The following MICAL2 variants were observed in gnomAD, a reference collection of about 807,000 sequenced individuals.
MICAL2 encodes [F-actin]-monooxygenase MICAL2.
Under a neutral mutation model 127.3 loss-of-function variants are expected in MICAL2, and 77 were observed. The observed-to-expected ratio is 0.60, with a 90% CI of 0.50 to 0.73. MICAL2 has a LOEUF of 0.73. MICAL2 is among the 30% of genes least tolerant of loss of function. The pLI is 0.00. For missense variants in MICAL2, 1,351 were observed against 1,434.4 expected, an observed-to-expected ratio of 0.94 and a Z score of 0.94; for synonymous variants, 570 against 551.1, an observed-to-expected ratio of 1.03 and a Z score of -0.48.
chr11:12,226,180 C>T lies in MICAL2; in HGVS notation c.1698C>T (p.Asp566=). The T allele has an allele frequency of 6.2e-7, 1 of 1,614,234 alleles. No homozygotes were observed. Among genetic ancestry groups the T allele is most frequent in the Non-Finnish European group, 8.5e-7 (1 of 1,180,036 alleles). The stretch of plus-strand genomic sequence containing the variant: ...TGTTTTGATTCTCTAGCAACTTTGA[C>T]TCTTTGAATGAAGATGATGCTGTGG... ...HRFRPELINF[D]SLNEDDAVEN... The change falls in exon 14 of 28, where the codon GAC becomes GAT. Residue 566 remains aspartate (D), a synonymous_variant. Transcript: ENST00000683283.
intron 32 of MICAL2, among the ~76,000 whole-genome samples, chr11:12,332,623 C>T (rs757355395): frequency 1.7e-4 from 26 of 152,074 alleles, no homozygotes; most frequent in African/African-American, 2.4e-4. Context: ...AACATCAGCT[C>T]GGTAGCCCAA....
chr11:12,118,593 GA>G (rs778021035), intron 1 of MICAL2, among the ~76,000 whole-genome samples: 5 of 152,200 alleles, frequency 3.3e-5, no homozygotes, highest in Non-Finnish European at 5.9e-5. Context: ...CCTTGTGTTC[GA>G]TTTGGGGGTT....
intron 29 of MICAL2, among the ~76,000 whole-genome samples, chr11:12,299,924 A>G (rs1349913636): frequency 6.6e-6 from 1 of 152,170 alleles, no homozygotes; most frequent in African/African-American, 2.4e-5. Flanking sequence ...TAAAAATTGA[A>G]TCATTCATTA....
At chr11:12,293,918 A>T (rs768738328), downstream of MICAL2, 4 of 1,612,476 alleles carry the variant, frequency 2.5e-6, no homozygotes, top group East Asian at 8.9e-5. Flanking sequence ...TGGAGCCAGG[A>T]AGGAAGAAGA....
At chr11:12,254,602 G>A (rs1010534814) in intron 22 of MICAL2, 2 of 152,400 alleles carry the variant, frequency 1.3e-5, no homozygotes, top group African/African-American at 2.4e-5. Flanking sequence ...TGAGTACCAC[G>A]TTTACCCCAT....
chr11:12,276,036 A>C (rs186479961), upstream of MICAL2: 1 of 399,272 alleles, frequency 2.5e-6, no homozygotes, highest in African/African-American at 2.1e-5. Flanking sequence ...GCCACAGCAC[A>C]GTGATGCGGA....
Position 12,242,316 on chromosome 11 carries a change from G to C in MICAL2, c.2440G>C (p.Asp814His), listed in dbSNP as rs751723593. ...SRPWRARAKS[D>H]LQLGGTENFA... ...ACCTTGGAGAGCCAGAGCCAAGTCT[G>C]ACCTACAGCTGGGTGGGACAGAAAA... The change falls in exon 19 of 28, where the codon GAC becomes CAC. Residue 814 changes from aspartate (D) to histidine (H), a missense_variant. Asp to His is a moderately conservative substitution (Grantham distance 81). Around this residue, in one of 2 missense-constraint regions of MICAL2, gnomAD observed 752 missense variants for 719.4 expected, o/e 1.05. Transcript: ENST00000683283. 9 of 1,614,172 alleles carry C rather than the reference G, an allele frequency of 5.6e-6. No individual in the cohort carries two copies. Among genetic ancestry groups the C allele is most frequent in the Non-Finnish European group, 7.6e-6 (9 of 1,180,002 alleles).
intron 15 of MICAL2, 68 bp from the exon 16 acceptor site, chr11:12,236,109 A>G: frequency 7.2e-7 from 1 of 1,379,502 alleles, no homozygotes; most frequent in Non-Finnish European, 1.0e-6. Flanking sequence ...CTATGCCCTC[A>G]GGGATCTTAG....
At chr11:12,260,085 C>A in intron 26 of MICAL2, 188 bp downstream of exon 26, 1 of 1,537,048 alleles carries the variant, frequency 6.5e-7, no homozygotes, top group Non-Finnish European at 8.7e-7. Flanking sequence ...TCTCTGAGGT[C>A]CTGGCAGCCA....
chr11:12,278,881 G>C (rs141706733), intron 1 of MICAL2, among the ~76,000 whole-genome samples: 2,198 of 152,332 alleles, frequency 0.014, 25 homozygotes, highest in Non-Finnish European at 0.022. Flanking sequence ...TTCTGTTTTG[G>C]GCACGTTGGG....
At chr11:12,225,403 A>C (rs1857290929) in intron 13 of MICAL2, among the ~76,000 whole-genome samples, 1 of 152,194 alleles carries the variant, frequency 6.6e-6, no homozygotes, top group Admixed American at 6.5e-5. Context: ...GCCAGGTGCA[A>C]ATCACAAAAA....
At chr11:12,330,840 A>AGAGG (rs1864412084) in intron 32 of MICAL2, among the ~76,000 whole-genome samples, 1 of 151,342 alleles carries the variant, frequency 6.6e-6, no homozygotes, top group Non-Finnish European at 1.5e-5. Context: ...AGACAGAGAG[A>AGAGG]GAGAGAGACA....
chr11:12,164,294 C>T (rs545714164), intron 3 of MICAL2, among the ~76,000 whole-genome samples: 65 of 152,280 alleles, frequency 4.3e-4, no homozygotes, highest in African/African-American at 1.5e-3. Flanking sequence ...AATTTTTATG[C>T]CTGTCTTGTG....
At chr11:12,177,235 C>T (rs1856939251) in intron 3 of MICAL2, among the ~76,000 whole-genome samples, 1 of 152,086 alleles carries the variant, frequency 6.6e-6, no homozygotes, top group South Asian at 2.1e-4. Flanking sequence ...ATTGGGATTT[C>T]CCTAATGATT....
chr11:12,139,327 T>C (rs1326483251), intron 2 of MICAL2, among the ~76,000 whole-genome samples: 1 of 152,044 alleles, frequency 6.6e-6, no homozygotes, highest in Non-Finnish European at 1.5e-5. Flanking sequence ...AGAGGGAACA[T>C]AGGGATGAAT....
Position 12,131,065 on chromosome 11 carries a change from G to T in MICAL2, c.-148-7325G>T, listed in dbSNP as rs548061836. On this transcript the variant is annotated intron_variant, in intron 1 of 27. Coordinates refer to ENST00000683283, the MANE Select transcript of MICAL2 (RefSeq NM_001282663.2). ...TCCCAGCACTTTGGGAGGCCGAGGC[G>T]GGTGGATCATGAGGTCAGGAGATCG... 4.9e-4 allele frequency among the ~76,000 whole-genome samples: 16 copies of T among 32,396 alleles called. 4 individuals are homozygous for T. The South Asian group carries it at 7.7e-3, about 15-fold the overall frequency. 21.3% of individuals were successfully genotyped at this position (32,396 alleles called of 152,430 possible).
intron 29 of MICAL2, chr11:12,308,328 GAA>G (rs1375848611): frequency 2.6e-5 from 4 of 152,146 alleles, no homozygotes; most frequent in African/African-American, 9.7e-5. Context: ...AAGCCTACTG[GAA>G]TTTTGCTTGT....
Position 12,162,410 on chromosome 11 carries a change from G to A in MICAL2, c.255G>A (p.Thr85=), listed in dbSNP as rs56834315. The change falls in exon 3 of 28, where the codon ACG becomes ACA. Residue 85 remains threonine, a synonymous_variant. Coordinates refer to ENST00000683283, the MANE Select transcript of MICAL2 (RefSeq NM_001282663.2). ...AGTATAAGCGAGGGAAGTCGTGCACGAACACCAAGGTAAGGGGAAACCCTC... is the reference window on the plus strand; with the variant it reads ...AGTATAAGCGAGGGAAGTCGTGCACAAACACCAAGGTAAGGGGAAACCCTC... ...HKEYKRGKSC[T]NTKCLIVGGG... is the part of the protein sequence containing the mutation. The A allele has an allele frequency of 3.6e-5, 58 of 1,614,048 alleles. No homozygotes were observed. The highest frequency in any genetic ancestry group is 4.8e-5 in the Non-Finnish European group (57 of 1,179,992).
chr11:12,204,008 C>G (rs1854352648), intron 3 of MICAL2, among the ~76,000 whole-genome samples: 1 of 152,196 alleles, frequency 6.6e-6, no homozygotes, highest in South Asian at 2.1e-4. Flanking sequence ...TACTGTGCCT[C>G]CTCGCCAAGT....
Sources: allele counts gnomAD v4.1 joint callset (sites outside exome capture counted in the v4.1 genomes callset), GRCh38; gene constraint gnomAD v4.1.1; regional missense constraint gnomAD v4.1.1; transcripts MANE v1.5; gene names NCBI Gene and HGNC (gene_info 2026-07-23, HGNC 2026-07-21).